ZFPM2: variants seen among roughly 807,000 people sequenced by gnomAD.
The protein encoded by ZFPM2 is zinc finger protein ZFPM2.
In ZFPM2, 20 loss-of-function variants were observed where a neutral mutation model predicts 98.6. That is an observed-to-expected ratio of 0.20 (90% CI 0.14 to 0.29). The LOEUF is 0.29. Among genes scored for constraint, ZFPM2 ranks in the 10% least tolerant of loss-of-function variants. The pLI, the probability that ZFPM2 is intolerant of heterozygous loss-of-function variation, is 1.00. For synonymous variants in ZFPM2, 518 were observed against 502.7 expected (o/e 1.03, Z -0.41); for missense variants, 1,310 against 1,388.6 (o/e 0.94, Z 0.90).
chr8:105,392,629 A>G (rs1025026363), intron 1 of ZFPM2, among the ~76,000 whole-genome samples: 1 of 152,196 alleles, frequency 6.6e-6, no homozygotes, highest in Non-Finnish European at 1.5e-5. Flanking sequence ...TGGAGAGATG[A>G]ATACTTAAAA....
intron 1 of ZFPM2, chr8:105,418,655 G>A (rs755100609): frequency 3.9e-5 from 20 of 513,236 alleles, no homozygotes; most frequent in Non-Finnish European, 7.7e-5. Flanking sequence ...TCTTTTCTCA[G>A]AATCCACTCT....
chr8:105,331,166 T>TAC (rs1225728216), intron 1 of ZFPM2, among the ~76,000 whole-genome samples: 2 of 107,750 alleles, frequency 1.9e-5, no homozygotes, highest in Non-Finnish European at 4.4e-5. Context: ...ATATATATAT[T>TAC]ATACACACAC....
chr8:105,590,310 T>C (rs939194296), intron 4 of ZFPM2, among the ~76,000 whole-genome samples: 5 of 152,218 alleles, frequency 3.3e-5, no homozygotes, highest in Admixed American at 3.3e-4. Context: ...CATATAAAAC[T>C]ATTGTCGTTA....
chr8:105,393,778 G>A (rs1811164883), intron 1 of ZFPM2, among the ~76,000 whole-genome samples: 1 of 151,910 alleles, frequency 6.6e-6, no homozygotes, highest in Admixed American at 6.6e-5. Flanking sequence ...GTAAATTGTG[G>A]ATGTTACAAT....
chr8:105,494,951 A>G (rs868497058), intron 3 of ZFPM2, among the ~76,000 whole-genome samples: 20 of 152,254 alleles, frequency 1.3e-4, no homozygotes, highest in African/African-American at 3.9e-4. Flanking sequence ...GTGGACATAG[A>G]AATTTGAATT....
intron 1 of ZFPM2, among the ~76,000 whole-genome samples, chr8:105,349,509 G>A (rs1812603535): frequency 1.3e-5 from 2 of 152,160 alleles, no homozygotes; most frequent in Non-Finnish European, 2.9e-5. Flanking sequence ...TGGGTATCCA[G>A]TAACTCTGTT....
At chr8:105,537,395 T>G (rs4734120) in intron 3 of ZFPM2, among the ~76,000 whole-genome samples, 34,410 of 152,118 alleles carry the variant, frequency 0.23, 4,230 homozygotes, top group African/African-American at 0.32. Context: ...ATATCTTTTG[T>G]CCAGGCATGG....
At chr8:105,534,393 C>T (rs60465453) in intron 3 of ZFPM2, among the ~76,000 whole-genome samples, 1 of 124,424 alleles carries the variant, frequency 8.0e-6, no homozygotes, top group African/African-American at 3.6e-5. Context: ...TTCCTTCCTC[C>T]CTTCCTACCT....
At position 105,499,692 on chromosome 8, in the gene ZFPM2, A is replaced by T. The variant is rs540405164; in HGVS notation, c.301+55311A>T. On this transcript the variant is annotated intron_variant, in intron 3 of 7. Coordinates refer to ENST00000407775, the MANE Select transcript of ZFPM2 (RefSeq NM_012082.4). ...AATCTGAAACACTCATTTTTTTTTCAACTCCTCACACCCTGTATAAATTTA... is the reference window on the plus strand; with the variant it reads ...AATCTGAAACACTCATTTTTTTTTCTACTCCTCACACCCTGTATAAATTTA... Among the ~76,000 whole-genome samples, 840 of 151,946 alleles carry T rather than the reference A, an allele frequency of 5.5e-3. 10 individuals are homozygous for T. Among genetic ancestry groups the T allele is most frequent in the African/African-American group, 0.019 (799 of 41,464 alleles).
In ZFPM2 at chr8:105,710,276, GT is replaced by G. The variant is rs749757036; in HGVS notation, c.532+75921del. Among the ~76,000 whole-genome samples, 80 of 152,038 alleles carry G rather than the reference GT, an allele frequency of 5.3e-4. 1 individual carries two copies. The highest frequency in any genetic ancestry group is 1.9e-4 in the Non-Finnish European group (13 of 68,000). On this transcript the variant is annotated intron_variant, in intron 5 of 7. Transcript: ENST00000407775. ...CATGTCTAATGTGGTCACCAGGGAG[GT>G]TCTGTCGTTTGTATTCACTCAGATA...
At chr8:105,505,449 A>G (rs302960) in intron 3 of ZFPM2, among the ~76,000 whole-genome samples, 30,716 of 152,142 alleles carry the variant, frequency 0.2, 3,732 homozygotes, top group East Asian at 0.41. Flanking sequence ...TTCATTCACT[A>G]CATAGATACA....
chr8:105,390,593 ATCC>A (rs1278451934), intron 1 of ZFPM2, among the ~76,000 whole-genome samples: 5 of 152,188 alleles, frequency 3.3e-5, no homozygotes, highest in African/African-American at 1.2e-4. Context: ...ACTCCCCCGT[ATCC>A]TCCTCTACAG....
chr8:105,725,331 T>A (rs1811782246), intron 5 of ZFPM2, among the ~76,000 whole-genome samples: 1 of 151,990 alleles, frequency 6.6e-6, no homozygotes, highest in Non-Finnish European at 1.5e-5. Context: ...GAAAAAAAAT[T>A]CTCTGATACA....
At chr8:105,410,383 A>G (rs2130032422) in intron 1 of ZFPM2, among the ~76,000 whole-genome samples, 1 of 152,016 alleles carries the variant, frequency 6.6e-6, no homozygotes, top group South Asian at 2.1e-4. Flanking sequence ...TTGGTCGCCA[A>G]AGCCCTTTTT....
At chr8:105,349,579 T>A in intron 1 of ZFPM2, among the ~76,000 whole-genome samples, 1 of 152,202 alleles carries the variant, frequency 6.6e-6, no homozygotes, top group East Asian at 1.9e-4. Context: ...TAGGTCAACG[T>A]AATGAAACTT....
At chr8:105,694,047 T>C (rs1810957038) in intron 5 of ZFPM2, among the ~76,000 whole-genome samples, 1 of 144,910 alleles carries the variant, frequency 6.9e-6, no homozygotes, top group Admixed American at 7.0e-5. Context: ...AGTGCAGTGG[T>C]GCGATCTCGG....
chr8:105,389,204 T>A (rs143500903), intron 1 of ZFPM2, among the ~76,000 whole-genome samples: 3 of 152,060 alleles, frequency 2.0e-5, no homozygotes, highest in Non-Finnish European at 4.4e-5. Flanking sequence ...CACTCAGACA[T>A]GTCTAGTAAA....
At chr8:105,574,060 A>T (rs1815411365) in intron 4 of ZFPM2, among the ~76,000 whole-genome samples, 1 of 152,338 alleles carries the variant, frequency 6.6e-6, no homozygotes, top group South Asian at 2.1e-4. Context: ...AATAGAAAGT[A>T]AATGATTCAT....
intron 5 of ZFPM2, among the ~76,000 whole-genome samples, chr8:105,713,326 T>C (rs1392240092): frequency 6.6e-6 from 1 of 152,172 alleles, no homozygotes; most frequent in Non-Finnish European, 1.5e-5. Context: ...ATTTCTTCTT[T>C]TGAAGAGTAT....
Sources: gnomAD v4.1 joint callset for allele counts (sites outside exome capture counted in the v4.1 genomes callset) on GRCh38, gnomAD v4.1.1 for gene constraint, MANE v1.5 for transcripts, NCBI Gene and HGNC (gene_info 2026-07-23, HGNC 2026-07-21) for gene names.